The following PDE4B variants were observed in gnomAD, a reference collection of about 807,000 sequenced individuals.
The protein encoded by PDE4B is phosphodiesterase 4B.
PDE4B carries 20 observed loss-of-function variants against 82.2 expected under a neutral mutation model. That is an observed-to-expected ratio of 0.24 (90% CI 0.17 to 0.35). The LOEUF is 0.35. Among genes scored for constraint, PDE4B ranks in the 10% least tolerant of loss-of-function variants. PDE4B has a pLI of 1.00. For missense variants in PDE4B, 655 were observed against 907.2 expected, an observed-to-expected ratio of 0.72 and a Z score of 3.57; for synonymous variants, 320 against 318.9, an observed-to-expected ratio of 1.00 and a Z score of -0.04.
chr1:66,345,719 C>T lies in PDE4B; in HGVS notation c.748-9808C>T, dbSNP rs115819712. On this transcript the variant is annotated intron_variant, in intron 8 of 16. Coordinates refer to ENST00000341517, the MANE Select transcript of PDE4B (RefSeq NM_002600.4). ...CCCTGGAATCCTGTTTCCTGTTGTG[C>T]GGCAATGGCTACATGTAGGGGCCTG... Among the ~76,000 whole-genome samples the T allele has an allele frequency of 4.6e-5, 7 of 152,268 alleles. No individual in the cohort carries two copies. In the South Asian group the frequency reaches 6.2e-4, roughly 14 times the overall value.
At chr1:66,109,315 A>G (rs1174146202) in intron 3 of PDE4B, among the ~76,000 whole-genome samples, 1 of 151,928 alleles carries the variant, frequency 6.6e-6, no homozygotes, top group African/African-American at 2.4e-5. Context: ...TGAGGTTAAA[A>G]AGTTCATATT....
chr1:66,154,227 C>T (rs1359443397), intron 3 of PDE4B, among the ~76,000 whole-genome samples: 1 of 152,164 alleles, frequency 6.6e-6, no homozygotes, highest in Non-Finnish European at 1.5e-5. Flanking sequence ...TGAGCTCCTC[C>T]ACCAGACTGA....
At chr1:66,228,453 T>C (rs1343312226) in intron 3 of PDE4B, among the ~76,000 whole-genome samples, 2 of 151,920 alleles carry the variant, frequency 1.3e-5, no homozygotes, top group Non-Finnish European at 2.9e-5. Context: ...TGAAACCCCA[T>C]CTCTACTAAA....
chr1:65,913,925 G>A (rs1007051254), intron 2 of PDE4B, among the ~76,000 whole-genome samples: 1 of 152,094 alleles, frequency 6.6e-6, no homozygotes, highest in African/African-American at 2.4e-5. Flanking sequence ...GAGTAAATAG[G>A]TATGTACTTT....
At chr1:65,915,553 GACAAAACAAAAGACAAGTA>G (rs528000058) in intron 2 of PDE4B, among the ~76,000 whole-genome samples, 1 of 152,222 alleles carries the variant, frequency 6.6e-6, no homozygotes, top group South Asian at 2.1e-4. Flanking sequence ...GACTGAAATA[GACAAAACAAAAGACAAGTA>G]ACAACAGCAA....
At chr1:66,047,487 T>A (rs1484637081) in intron 3 of PDE4B, among the ~76,000 whole-genome samples, 1 of 151,958 alleles carries the variant, frequency 6.6e-6, no homozygotes, top group African/African-American at 2.4e-5. Flanking sequence ...CTCCAGACTT[T>A]ATTCCTAGCT....
At chr1:66,127,650 G>A (rs145042123) in intron 3 of PDE4B, among the ~76,000 whole-genome samples, 4 of 152,060 alleles carry the variant, frequency 2.6e-5, no homozygotes, top group Admixed American at 1.3e-4. Context: ...GAAAGCATGC[G>A]ATTTCTCAAG....
intron 4 of PDE4B, 53 bp downstream of exon 4, chr1:66,247,707 C>T (rs1653432468): frequency 1.5e-6 from 2 of 1,346,534 alleles, no homozygotes; most frequent in African/African-American, 2.9e-5. Context: ...CATCTCTACC[C>T]AGGTCACAGT....
intron 2 of PDE4B, among the ~76,000 whole-genome samples, chr1:65,914,151 G>GA (rs1647129388): frequency 6.6e-6 from 1 of 152,078 alleles, no homozygotes; most frequent in African/African-American, 2.4e-5. Flanking sequence ...GAGGGAAGAA[G>GA]AAAAAACAAT....
intron 1 of PDE4B, among the ~76,000 whole-genome samples, chr1:65,896,489 A>G (rs527716359): frequency 3.9e-5 from 6 of 152,282 alleles, no homozygotes; most frequent in African/African-American, 1.4e-4. Flanking sequence ...GTGTGTATAT[A>G]CACACACAGT....
chr1:66,096,443 A>G (rs2101006730), intron 3 of PDE4B, among the ~76,000 whole-genome samples: 1 of 147,532 alleles, frequency 6.8e-6, no homozygotes, highest in African/African-American at 2.5e-5. Flanking sequence ...AATGGCTGCC[A>G]CTTGTGGCTA....
chr1:65,849,986 T>G (rs979476539), intron 1 of PDE4B, among the ~76,000 whole-genome samples: 2 of 152,174 alleles, frequency 1.3e-5, no homozygotes, highest in African/African-American at 2.4e-5. Flanking sequence ...TATGTTTGTA[T>G]GTTTCTATAA....
At chr1:65,820,084 AAGAT>A (rs1221992947) in intron 1 of PDE4B, among the ~76,000 whole-genome samples, 2 of 152,228 alleles carry the variant, frequency 1.3e-5, no homozygotes, top group Non-Finnish European at 2.9e-5. Flanking sequence ...ATCAAACTAA[AAGAT>A]AGAAGTAATA....
intron 3 of PDE4B, among the ~76,000 whole-genome samples, chr1:66,189,662 A>C (rs1647563841): frequency 6.6e-6 from 1 of 152,120 alleles, no homozygotes; most frequent in Non-Finnish European, 1.5e-5. Context: ...CGTAGTTCTC[A>C]TGCCATGGTT....
chr1:66,324,494 A>G, intron 7 of PDE4B, among the ~76,000 whole-genome samples: 1 of 152,210 alleles, frequency 6.6e-6, no homozygotes, highest in South Asian at 2.1e-4. Context: ...CAAGGAAAAA[A>G]ATGAGATATG....
chr1:66,241,236 C>T lies in PDE4B; in HGVS notation c.282-6224C>T, dbSNP rs946709724. On this transcript the variant is annotated intron_variant, in intron 3 of 16. Transcript: ENST00000341517. ...GAGTTCTGCCTGCCTTCGTCTAGGT[C>T]GTGGGCTCTATATTAGGCTGGCTGT... is the stretch of plus-strand genomic sequence containing the variant. Among the ~76,000 whole-genome samples, 15 of 152,246 alleles carry T rather than the reference C, an allele frequency of 9.9e-5. No individual in the cohort carries two copies. The South Asian group carries it at 1.5e-3, about 15-fold the overall frequency.
At chr1:65,913,198 T>A (rs1647116617) in intron 1 of PDE4B, 47 bp from the exon 2 acceptor site, 1 of 752,814 alleles carries the variant, frequency 1.3e-6, no homozygotes. Context: ...ATATTTTTCT[T>A]TAAGGATACA....
At chr1:65,865,376 AG>A (rs1442246497) in intron 1 of PDE4B, among the ~76,000 whole-genome samples, 7 of 147,212 alleles carry the variant, frequency 4.8e-5, no homozygotes, top group Non-Finnish European at 6.0e-5. Context: ...CCCCCTTTCC[AG>A]GGAAGTGAAT....
At chr1:66,198,968 C>A (rs1648606048) in intron 3 of PDE4B, among the ~76,000 whole-genome samples, 1 of 151,724 alleles carries the variant, frequency 6.6e-6, no homozygotes, top group Non-Finnish European at 1.5e-5. Flanking sequence ...GCATAGTATT[C>A]CATGGTGTAT....
Sources: allele counts gnomAD v4.1 joint callset (sites outside exome capture counted in the v4.1 genomes callset), GRCh38; gene constraint gnomAD v4.1.1; transcripts MANE v1.5; gene names NCBI Gene and HGNC (gene_info 2026-07-23, HGNC 2026-07-21).